The following MAGI2 variants were observed in gnomAD, a reference collection of about 807,000 sequenced individuals.
MAGI2 encodes membrane-associated guanylate kinase, WW and PDZ domain-containing protein 2.
Under a neutral mutation model 133.3 loss-of-function variants are expected in MAGI2, and 35 were observed. The observed-to-expected ratio is 0.26, with a 90% confidence interval of 0.20 to 0.35. The LOEUF (loss-of-function observed/expected upper bound fraction) is 0.35. Ranked by LOEUF, MAGI2 falls within the 10% of genes least tolerant of loss-of-function variation. The probability of loss-of-function intolerance (pLI) is 1.00; values close to 1 mark genes in which losing one functional copy is unlikely to be tolerated. For synonymous variants in MAGI2, 729 were observed against 710.6 expected (o/e 1.03, Z -0.41); for missense variants, 1,636 against 1,863.4 (o/e 0.88, Z 2.25).
chr7:78,421,628 C>T (rs1428450026), intron 6 of MAGI2, among the ~76,000 whole-genome samples: 1 of 152,108 alleles, frequency 6.6e-6, no homozygotes, highest in Non-Finnish European at 1.5e-5. Flanking sequence ...GCCTGGGAAA[C>T]ATGGTGAGAC....
In MAGI2 at chr7:78,346,047, A is replaced by G. The variant is rs1469854735; in HGVS notation, c.1104-4T>C. On this transcript the variant is annotated splice_polypyrimidine_tract_variant and splice_region_variant and intron_variant, in intron 7 of 21. Transcript: ENST00000354212. ...CTGTGTTCTTCTATTTATGTGGCTA[A>G]AAAAGAAAATTTCAGATTAGGATAA... The G allele has an allele frequency of 1.2e-6, 2 of 1,613,868 alleles. No individual in the cohort carries two copies. The highest frequency in any genetic ancestry group is 1.7e-6 in the Non-Finnish European group (2 of 1,179,980).
chr7:78,755,471 A>G (rs1212074788), intron 2 of MAGI2, among the ~76,000 whole-genome samples: 1 of 152,218 alleles, frequency 6.6e-6, no homozygotes, highest in Non-Finnish European at 1.5e-5. Context: ...CTATGGGCTT[A>G]AATACGTGTT....
At chr7:78,491,992 T>C (rs1793665335) in intron 5 of MAGI2, among the ~76,000 whole-genome samples, 1 of 151,840 alleles carries the variant, frequency 6.6e-6, no homozygotes, top group Admixed American at 6.6e-5. Flanking sequence ...TCTCTTCCTT[T>C]TGTCCTCACC....
At chr7:78,618,869 G>C (rs1369359502) in intron 3 of MAGI2, 3 of 151,518 alleles carry the variant, frequency 2.0e-5, no homozygotes, top group African/African-American at 7.3e-5. Flanking sequence ...AGCTGTAAAG[G>C]ACGGAGGGTA....
intron 10 of MAGI2, among the ~76,000 whole-genome samples, chr7:78,236,798 T>A (rs934590576): frequency 5.9e-5 from 9 of 152,170 alleles, no homozygotes; most frequent in Non-Finnish European, 1.2e-4. Flanking sequence ...AAGACATACC[T>A]GAGACTGGGT....
intron 1 of MAGI2, among the ~76,000 whole-genome samples, chr7:79,397,879 C>A (rs552427179): frequency 2.8e-4 from 42 of 152,146 alleles, no homozygotes; most frequent in Non-Finnish European, 4.7e-4. Flanking sequence ...TATCTTAGTT[C>A]AAGATGCCAC....
intron 21 of MAGI2, 148 bp downstream of exon 21, chr7:78,078,775 CGTGTGTGTGTGTATGTGTGTGTGT>C: frequency 1.7e-6 from 1 of 594,208 alleles, no homozygotes; most frequent in Non-Finnish European, 2.9e-6. Context: ...CATAAACATA[CGTGTGTGTGTGTATGTGTGTGTGT>C]GTGTGTGTGT....
chr7:78,626,980 A>C, intron 3 of MAGI2, 140 bp downstream of exon 3: 2 of 633,082 alleles, frequency 3.2e-6, no homozygotes, highest in South Asian at 1.3e-4. Context: ...TAACTTTTTT[A>C]GGATACATTT....
At chr7:78,712,824 A>T (rs1819328065) in intron 2 of MAGI2, among the ~76,000 whole-genome samples, 1 of 152,188 alleles carries the variant, frequency 6.6e-6, no homozygotes, top group Non-Finnish European at 1.5e-5. Flanking sequence ...AGAAGAAAAC[A>T]TCAAAAATCG....
At chr7:79,022,918 G>A (rs939344273) in intron 1 of MAGI2, among the ~76,000 whole-genome samples, 1 of 152,096 alleles carries the variant, frequency 6.6e-6, no homozygotes, top group African/African-American at 2.4e-5. Flanking sequence ...AATTCTACCA[G>A]ATATATAAGG....
In MAGI2 at chr7:78,070,568, A is replaced by G. The variant is rs1329144069; in HGVS notation, c.3706+8379T>C. On this transcript the variant is annotated intron_variant, in intron 21 of 21. Transcript: ENST00000354212. ...TATATATGTGTATATATGTATATATATGTGTGTATATATGTGTATATATAT... is the reference window on the plus strand; with the variant it reads ...TATATATGTGTATATATGTATATATGTGTGTGTATATATGTGTATATATAT... Among the ~76,000 whole-genome samples the G allele has an allele frequency of 2.0e-4, 15 of 73,946 alleles. No individual in the cohort carries two copies. In the East Asian group the frequency reaches 6.1e-3, roughly 30 times the overall value. The allele number at this position is 73,946 out of a possible 152,430, so 48.5% of individuals were successfully genotyped here.
chr7:78,773,102 G>T (rs1181890784), intron 2 of MAGI2, among the ~76,000 whole-genome samples: 2 of 152,206 alleles, frequency 1.3e-5, no homozygotes, highest in Non-Finnish European at 2.9e-5. Flanking sequence ...CCTTAGATCA[G>T]ATAATTTGTG....
Position 78,178,168 on chromosome 7 carries a change from C to T in MAGI2, c.2312-66G>A. ...CTTTCCCAGCCCCTGAGGAACTGAA[C>T]ATACCAATGATAAATTAATTTTGTG... On this transcript the variant is annotated intron_variant, in intron 13 of 21. Coordinates refer to ENST00000354212, the MANE Select transcript of MAGI2 (RefSeq NM_012301.4). 11 of 967,626 alleles carry T rather than the reference C, an allele frequency of 1.1e-5. No individual in the cohort carries two copies. The South Asian group carries it at 1.4e-4, about 13-fold the overall frequency. 59.9% of individuals were successfully genotyped at this position (967,626 alleles called of 1,614,324 possible).
At position 78,748,918 on chromosome 7, in the gene MAGI2, T is replaced by C. The variant is rs77599985; in HGVS notation, c.419-121679A>G. Among the ~76,000 whole-genome samples, 815 of 152,334 alleles carry C rather than the reference T, an allele frequency of 5.4e-3. 13 individuals are homozygous for C. Among genetic ancestry groups the C allele is most frequent in the African/African-American group, 0.019 (779 of 41,584 alleles). On this transcript the variant is annotated intron_variant, in intron 2 of 21. Coordinates refer to ENST00000354212, the MANE Select transcript of MAGI2 (RefSeq NM_012301.4). ...TTCTTTAGAAAGTTCTGTGTAAGCATATTCATGCTGCTATTATTCAACACA... is the reference window on the plus strand; with the variant it reads ...TTCTTTAGAAAGTTCTGTGTAAGCACATTCATGCTGCTATTATTCAACACA...
chr7:79,315,293 G>A (rs979756956), intron 1 of MAGI2, among the ~76,000 whole-genome samples: 14 of 150,782 alleles, frequency 9.3e-5, no homozygotes, highest in Non-Finnish European at 1.5e-4. Context: ...AGAGTAGCTG[G>A]GATTACAGGC....
intron 2 of MAGI2, among the ~76,000 whole-genome samples, chr7:78,883,660 T>C (rs918128419): frequency 5.3e-5 from 8 of 152,056 alleles, no homozygotes; most frequent in South Asian, 2.1e-4. Flanking sequence ...ATGGTATTGA[T>C]AAAAATCAGA....
chr7:79,280,927 A>G (rs1469909708), intron 1 of MAGI2, among the ~76,000 whole-genome samples: 4 of 5,262 alleles, frequency 7.6e-4, no homozygotes, highest in East Asian at 6.7e-3. Flanking sequence ...TCTGTCTCTG[A>G]AAAAAAAAAA....
chr7:78,768,344 C>G (rs1247772571), intron 2 of MAGI2, among the ~76,000 whole-genome samples: 2 of 152,176 alleles, frequency 1.3e-5, no homozygotes, highest in African/African-American at 4.8e-5. Context: ...CATCAATTTC[C>G]CCAAAGCACA....
chr7:79,368,280 C>T (rs1842849975), intron 1 of MAGI2, among the ~76,000 whole-genome samples: 1 of 151,942 alleles, frequency 6.6e-6, no homozygotes, highest in African/African-American at 2.4e-5. Flanking sequence ...TAGCAGAAAT[C>T]CTAGTGAAAG....
Sources: allele counts gnomAD v4.1 joint callset (sites outside exome capture counted in the v4.1 genomes callset), GRCh38; gene constraint gnomAD v4.1.1; transcripts MANE v1.5; gene names NCBI Gene and HGNC (gene_info 2026-07-23, HGNC 2026-07-21).